The following HINT3 variants were observed in gnomAD, a reference collection of about 807,000 sequenced individuals.
HINT3 encodes adenosine 5'-monophosphoramidase HINT3.
HINT3 carries 16 observed loss-of-function variants against 19.1 expected under a neutral mutation model. The observed-to-expected ratio is 0.84, with a 90% confidence interval of 0.57 to 1.27. The LOEUF (loss-of-function observed/expected upper bound fraction) is 1.27. Ranked by LOEUF, HINT3 falls within the 50% of genes most tolerant of loss-of-function variation. HINT3 has a pLI of 0.00. For synonymous variants in HINT3, 75 were observed against 84.8 expected (o/e 0.88, Z 0.63); for missense variants, 197 against 225.8 (o/e 0.87, Z 0.82).
rs767014894 is a variant in HINT3 at position 125,966,991 on chromosome 6, T to G, written c.306T>G (p.Asp102Glu). Reference sequence around the variant, plus strand: ...GAAACTGCAGAACTCTAAGGAAAGATCAAGTAGAACTGGGTAAGATGATGG... The same window carrying G: ...GAAACTGCAGAACTCTAAGGAAAGAGCAAGTAGAACTGGGTAAGATGATGG... ...HIGNCRTLRK[D>E]QVELVENMVT... is the part of the protein sequence containing the mutation. The change falls in exon 2 of 5, where the codon GAT becomes GAG. Residue 102 changes from aspartate to glutamate, a missense_variant. Asp to Glu is a conservative substitution (Grantham distance 45). Coordinates refer to ENST00000229633, the MANE Select transcript of HINT3 (RefSeq NM_138571.5). 3 of 1,597,654 alleles carry G rather than the reference T, an allele frequency of 1.9e-6. No individual in the cohort carries two copies. Among genetic ancestry groups the G allele is most frequent in the South Asian group, 2.2e-5 (2 of 90,504 alleles).
intron 2 of HINT3, among the ~76,000 whole-genome samples, chr6:125,971,702 C>CATTT: frequency 1.7e-5 from 1 of 59,616 alleles, no homozygotes; most frequent in South Asian, 8.5e-4. Flanking sequence ...GCCTGGCTAC[C>CATTT]TTTTTTTTTT....
rs938769061 is a variant in HINT3 at position 125,974,982 on chromosome 6, T to C, written c.516+9T>C. On this transcript the variant is annotated intron_variant, in intron 4 of 4. Coordinates refer to ENST00000229633, the MANE Select transcript of HINT3 (RefSeq NM_138571.5). ...CCTATTGGTTTATCACAGTGAGTAT[T>C]CTTGTTATGTCAGCAGCATACAAAA... 2.5e-6 allele frequency: 4 copies of C among 1,612,518 alleles called. No homozygotes were observed. Among genetic ancestry groups the C allele is most frequent in the Admixed American group, 1.7e-5 (1 of 59,836 alleles).
chr6:125,964,890 A>C (rs1189779047), intron 1 of HINT3, among the ~76,000 whole-genome samples: 1 of 152,152 alleles, frequency 6.6e-6, no homozygotes, highest in African/African-American at 2.4e-5. Flanking sequence ...GGGTGACATC[A>C]GAGCTAGTTT....
At chr6:125,962,239 T>TATATATATATATATATATACACAC (rs1788946590) in intron 1 of HINT3, among the ~76,000 whole-genome samples, 13 of 46,468 alleles carry the variant, frequency 2.8e-4, no homozygotes, top group Non-Finnish European at 4.5e-4. Context: ...TATATACACA[T>TATATATATATATATATATACACAC]ATATATATAT....
rs1789162326 is a variant in HINT3, at chr6:125,975,060, TA to T, written c.516+88del. On this transcript the variant is annotated intron_variant, in intron 4 of 4. Transcript: ENST00000229633. ...TTTTTTCTTCTCAACAGTAGGCACT[TA>T]CAGCTCTCATAGACTTGATTACCTG... The T allele has an allele frequency of 4.0e-6, 5 of 1,258,488 alleles. No individual in the cohort carries two copies. The Admixed American group carries it at 9.9e-5, about 25-fold the overall frequency. The allele number at this position is 1,258,488 out of a possible 1,614,324, so 78.0% of individuals were successfully genotyped here.
intron 2 of HINT3, among the ~76,000 whole-genome samples, chr6:125,971,298 T>C (rs1789093591): frequency 6.6e-6 from 1 of 152,190 alleles, no homozygotes; most frequent in Non-Finnish European, 1.5e-5. Context: ...CAAAGACAAA[T>C]TCAAAGTTTT....
intron 1 of HINT3, among the ~76,000 whole-genome samples, chr6:125,958,088 G>A (rs781053443): frequency 3.3e-5 from 5 of 151,984 alleles, no homozygotes; most frequent in Non-Finnish European, 5.9e-5. Context: ...CTTGTGGGAG[G>A]AGCATCTAAC....
chr6:125,977,683 C>G lies in HINT3; in HGVS notation c.*7C>G, dbSNP rs762528806. ...TGAAAAACTAAGAACATGAAAATGT[C>G]AAGAGTGGAAGATTTTTCTAATCTT... On this transcript the variant is annotated 3_prime_UTR_variant, in exon 5 of 5. Transcript: ENST00000229633. The G allele has an allele frequency of 1.4e-5, 21 of 1,496,594 alleles. No individual in the cohort carries two copies. The Admixed American group carries it at 2.7e-4, about 19-fold the overall frequency. 92.7% of individuals were successfully genotyped at this position (1,496,594 alleles called of 1,614,324 possible).
chr6:125,969,737 G>T (rs1789072906), intron 2 of HINT3, among the ~76,000 whole-genome samples: 1 of 152,036 alleles, frequency 6.6e-6, no homozygotes, highest in Non-Finnish European at 1.5e-5. Context: ...GTATTTTTGT[G>T]TGTGTGTGGC....
intron 4 of HINT3, among the ~76,000 whole-genome samples, chr6:125,975,404 G>A (rs1789166353): frequency 6.6e-6 from 1 of 152,160 alleles, no homozygotes. Context: ...GGTAACTTAT[G>A]TGAAAAGCAC....
rs9491552 is a variant in HINT3, at chr6:125,971,676, A to G, written c.320-583A>G. On this transcript the variant is annotated intron_variant, in intron 2 of 4. Coordinates refer to ENST00000229633, the MANE Select transcript of HINT3 (RefSeq NM_138571.5). ...CCACGTATCGAGTAGCTAGGACTATAGGTGTGCACCACCATGCCTGGCTAC... is the reference window on the plus strand; with the variant it reads ...CCACGTATCGAGTAGCTAGGACTATGGGTGTGCACCACCATGCCTGGCTAC... 3.9e-3 allele frequency among the ~76,000 whole-genome samples: 536 copies of G among 137,552 alleles called. 1 individual carries two copies. Among genetic ancestry groups the G allele is most frequent in the African/African-American group, 0.014 (504 of 37,300 alleles). 90.2% of individuals were successfully genotyped at this position (137,552 alleles called of 152,430 possible).
At chr6:125,962,237 C>G (rs369348481) in intron 1 of HINT3, among the ~76,000 whole-genome samples, 1 of 15,776 alleles carries the variant, frequency 6.3e-5, no homozygotes, top group Non-Finnish European at 1.1e-4. Context: ...TATATATACA[C>G]ATATATATAT....
chr6:125,965,658 G>C (rs1352801016), intron 1 of HINT3, among the ~76,000 whole-genome samples: 1 of 152,012 alleles, frequency 6.6e-6, no homozygotes, highest in Non-Finnish European at 1.5e-5. Flanking sequence ...AGGCTGAGGT[G>C]GGAGGATCAA....
At position 125,978,634 on chromosome 6, in the gene HINT3, GTA is replaced by G. The variant is rs1388575685; in HGVS notation, c.*959_*960del. Reference sequence around the variant, plus strand: ...GCACAATAGTGAATATGAATGAAGAGTAGGTGCTGCAAGTTAATCCTACATTG... The same window carrying G: ...GCACAATAGTGAATATGAATGAAGAGGGTGCTGCAAGTTAATCCTACATTG... On this transcript the variant is annotated 3_prime_UTR_variant, in exon 5 of 5. Coordinates refer to ENST00000229633, the MANE Select transcript of HINT3 (RefSeq NM_138571.5). The G allele has an allele frequency of 1.3e-5, 2 of 152,164 alleles. No individual in the cohort carries two copies. The highest frequency in any genetic ancestry group is 4.8e-5 in the African/African-American group (2 of 41,444). 9.4% of individuals were successfully genotyped at this position (152,164 alleles called of 1,614,324 possible). A position where few individuals can be genotyped will look rare whatever the true frequency, so the allele number is the denominator to read the frequency against.
intron 1 of HINT3, among the ~76,000 whole-genome samples, chr6:125,963,633 G>C (rs1170095412): frequency 6.6e-6 from 1 of 152,188 alleles, no homozygotes; most frequent in African/African-American, 2.4e-5. Flanking sequence ...CTTCCCTGGG[G>C]CAGAGCAGAG....
In HINT3 at chr6:125,956,920, T is replaced by G. The variant is rs1788841383; in HGVS notation, c.-58T>G. 1 of 1,501,988 alleles carries G rather than the reference T, an allele frequency of 6.7e-7. No individual in the cohort carries two copies. Among genetic ancestry groups the G allele is most frequent in the Non-Finnish European group, 9.0e-7 (1 of 1,113,192 alleles). The allele number at this position is 1,501,988 out of a possible 1,614,324, so 93.0% of individuals were successfully genotyped here. A position where few individuals can be genotyped will look rare whatever the true frequency, so the allele number is the denominator to read the frequency against. On this transcript the variant is annotated 5_prime_UTR_variant, in exon 1 of 5. Coordinates refer to ENST00000229633, the MANE Select transcript of HINT3 (RefSeq NM_138571.5). ...CGGAGGAGGTGCGGGACGCGGAGAC[T>G]GCGCGGGCCCGGTAGCCCTGGAGAG...
At chr6:125,964,439 C>T (rs998438633) in intron 1 of HINT3, among the ~76,000 whole-genome samples, 13 of 151,988 alleles carry the variant, frequency 8.6e-5, no homozygotes, top group African/African-American at 3.1e-4. Flanking sequence ...TTTGTTTATC[C>T]TTCCATTGTG....
chr6:125,967,050 G>T, intron 2 of HINT3, 46 bp downstream of exon 2: 2 of 1,191,100 alleles, frequency 1.7e-6, no homozygotes, highest in Non-Finnish European at 1.2e-6. Context: ...TTTTCAGTTG[G>T]TATCAGTGAT....
intron 2 of HINT3, among the ~76,000 whole-genome samples, chr6:125,971,702 C>CTTTTTTTTTTTT (rs142105115): frequency 1.7e-5 from 1 of 59,628 alleles, no homozygotes; most frequent in Non-Finnish European, 2.8e-5. Flanking sequence ...GCCTGGCTAC[C>CTTTTTTTTTTTT]TTTTTTTTTT....
Sources: gnomAD v4.1 joint callset for allele counts (sites outside exome capture counted in the v4.1 genomes callset) on GRCh38, gnomAD v4.1.1 for gene constraint, MANE v1.5 for transcripts, NCBI Gene and HGNC (gene_info 2026-07-23, HGNC 2026-07-21) for gene names.